USH2A: variants seen among roughly 807,000 people sequenced by gnomAD.
USH2A encodes the protein Usher syndrome 2A (autosomal recessive, mild).
In USH2A, 443 loss-of-function variants were observed where a neutral mutation model predicts 538.9. The ratio of observed to expected loss-of-function variants is 0.82; its 90% confidence interval spans 0.76 to 0.89. The LOEUF (loss-of-function observed/expected upper bound fraction) is 0.89, where lower values mean the gene tolerates loss of function less well. USH2A is among the 40% of genes least tolerant of loss of function. The pLI is 0.00. For missense variants in USH2A, 6,633 were observed against 6,324.8 expected (o/e 1.05, Z -1.65); for synonymous variants, 2,413 against 2,273.5 (o/e 1.06, Z -1.75).
In USH2A at chr1:216,050,569, T is replaced by TC. The variant is rs1558231684; in HGVS notation, c.6050-1923_6050-1922insG. Among the ~76,000 whole-genome samples, 29 of 38,784 alleles carry TC rather than the reference T, an allele frequency of 7.5e-4. 1 individual carries two copies. The highest frequency in any genetic ancestry group is 2.3e-3 in the African/African-American group (26 of 11,174). 25.4% of individuals were successfully genotyped at this position (38,784 alleles called of 152,430 possible). Reference sequence around the variant, plus strand: ...TAGACAATTTGTATCTTTTTCTTTCTTTCTTTCTTTCTTTCTTTCTTTCTT... The same window carrying TC: ...TAGACAATTTGTATCTTTTTCTTTCTCTTCTTTCTTTCTTTCTTTCTTTCTT... On this transcript the variant is annotated intron_variant, in intron 30 of 71. Transcript: ENST00000307340.
At position 215,623,586 on chromosome 1, in the gene USH2A, T is replaced by G. The variant is rs1370479583; in HGVS notation, c.*2195A>C. On this transcript the variant is annotated 3_prime_UTR_variant, in exon 72 of 72. Coordinates refer to ENST00000307340, the MANE Select transcript of USH2A (RefSeq NM_206933.4). ...TTCTCTGAAATAAATACAAGTAAAC[T>G]TAGACATGTAGCAGGGGACAGAGTT... 2 of 152,048 alleles carry G rather than the reference T, an allele frequency of 1.3e-5. No individual in the cohort carries two copies. The highest frequency in any genetic ancestry group is 2.9e-5 in the Non-Finnish European group (2 of 67,998). The allele number at this position is 152,048 out of a possible 1,614,324, so 9.4% of individuals were successfully genotyped here.
At chr1:215,869,385 A>G (rs1325526) in intron 43 of USH2A, among the ~76,000 whole-genome samples, 96,867 of 151,968 alleles carry the variant, frequency 0.64, 31,965 homozygotes, top group African/African-American at 0.8. Flanking sequence ...CATATCACTA[A>G]GGCTTGAACT....
chr1:216,355,727 T>C (rs2038382210), intron 4 of USH2A, among the ~76,000 whole-genome samples: 1 of 152,052 alleles, frequency 6.6e-6, no homozygotes, highest in Non-Finnish European at 1.5e-5. Flanking sequence ...TTTGTGGGGT[T>C]TACATAGACA....
chr1:216,190,033 G>A lies in USH2A; in HGVS notation c.4396+190C>T, dbSNP rs986745948. 7.2e-5 allele frequency among the ~76,000 whole-genome samples: 11 copies of A among 151,846 alleles called. 1 individual carries two copies. Among genetic ancestry groups the A allele is most frequent in the Non-Finnish European group, 1.0e-4 (7 of 67,928 alleles). ...TCTTATTATGACACAGCTGTAACTC[G>A]TAGCTCCTAGGTACCTCTTTAAGTT... On this transcript the variant is annotated intron_variant, in intron 20 of 71. Coordinates refer to ENST00000307340, the MANE Select transcript of USH2A (RefSeq NM_206933.4).
rs2037663532 is a variant in USH2A at position 216,323,630 on chromosome 1, G to A, written c.1394C>T (p.Pro465Leu). The change falls in exon 8 of 72, where the codon CCT becomes CTT. Residue 465 changes from proline (P) to leucine (L), a missense_variant. By Grantham distance (98) the Pro-to-Leu change is moderately conservative. Coordinates refer to ENST00000307340, the MANE Select transcript of USH2A (RefSeq NM_206933.4). ...GGTATTATAGAAGTTATTGTATCCA[G>A]GACGATAATTTGGTCCAGGTGTCAG... is the stretch of plus-strand genomic sequence containing the variant. Reference protein sequence around the residue: ...SILTPGPNYRPGYNNFYNTPS... With the variant: ...SILTPGPNYRLGYNNFYNTPS... The A allele has an allele frequency of 5.6e-6, 9 of 1,613,418 alleles. No homozygotes were observed. In the Middle Eastern group the frequency reaches 6.6e-4, roughly 118 times the overall value.
At chr1:216,263,640 G>A (rs550611167) in intron 11 of USH2A, among the ~76,000 whole-genome samples, 1 of 152,194 alleles carries the variant, frequency 6.6e-6, no homozygotes, top group South Asian at 2.1e-4. Context: ...GGCCATATAT[G>A]ACAAACCTAC....
chr1:215,836,343 T>C lies in USH2A; in HGVS notation c.9371+1648A>G, dbSNP rs531674153. Among the ~76,000 whole-genome samples, 201 of 146,782 alleles carry C rather than the reference T, an allele frequency of 1.4e-3. 1 individual carries two copies. The highest frequency in any genetic ancestry group is 4.7e-3 in the African/African-American group (190 of 40,080). On this transcript the variant is annotated intron_variant, in intron 47 of 71. Transcript: ENST00000307340. ...CCTCTTATTATAGTGTTTTTTACAT[T>C]GTTCTATAAACATTTATTTAGGGGA...
At chr1:215,626,435 A>G (rs909888702) in intron 71 of USH2A, among the ~76,000 whole-genome samples, 2 of 151,888 alleles carry the variant, frequency 1.3e-5, no homozygotes, top group African/African-American at 4.8e-5. Flanking sequence ...ACACACATAT[A>G]TATGGATTTA....
At chr1:216,380,927 T>C (rs977349309) in intron 3 of USH2A, among the ~76,000 whole-genome samples, 2 of 152,088 alleles carry the variant, frequency 1.3e-5, no homozygotes, top group Non-Finnish European at 1.5e-5. Flanking sequence ...GTAAGAGATA[T>C]TTTGCTCTTC....
At chr1:216,092,356 T>G (rs2032322410) in intron 22 of USH2A, among the ~76,000 whole-genome samples, 1 of 152,182 alleles carries the variant, frequency 6.6e-6, no homozygotes, top group Admixed American at 6.5e-5. Context: ...ATAAAAAGTA[T>G]TCACTAGATA....
intron 16 of USH2A, among the ~76,000 whole-genome samples, chr1:216,200,819 G>A (rs1009820185): frequency 1.1e-4 from 17 of 152,256 alleles, no homozygotes; most frequent in African/African-American, 3.4e-4. Flanking sequence ...GTAGGACTGC[G>A]AAACACACAA....
At chr1:216,370,777 C>T (rs1371770006) in intron 3 of USH2A, among the ~76,000 whole-genome samples, 1 of 148,330 alleles carries the variant, frequency 6.7e-6, no homozygotes. Context: ...TAATAAGTTG[C>T]AGTCAGTTAG....
intron 44 of USH2A, among the ~76,000 whole-genome samples, chr1:215,855,788 C>T (rs1193147806): frequency 6.6e-6 from 1 of 152,064 alleles, no homozygotes. Flanking sequence ...TCAAACTATA[C>T]TAAAAGGCCA....
chr1:216,392,058 G>T (rs780559654), intron 3 of USH2A, among the ~76,000 whole-genome samples: 1 of 152,116 alleles, frequency 6.6e-6, no homozygotes, highest in Non-Finnish European at 1.5e-5. Context: ...AGACCTAAAT[G>T]GGTAGATTGA....
At chr1:216,395,121 C>A (rs1232032625) in intron 3 of USH2A, among the ~76,000 whole-genome samples, 1 of 152,138 alleles carries the variant, frequency 6.6e-6, no homozygotes, top group Non-Finnish European at 1.5e-5. Flanking sequence ...CTTTTCAAGT[C>A]AACAATTTAC....
rs1661681070 is a variant in USH2A, at chr1:215,782,831, C to T, written c.10492G>A (p.Val3498Met). ...GTAGGGGGACTCACTCCTTGAGGCA[C>T]ATCTTCTTTTGTTCTGGCTCTCACA... The part of the protein sequence containing the change: ...KAVRARTKED[V>M]PQGVSPPTWT... Residue 3498 changes from valine to methionine, a missense_variant, in exon 53 of 72, where the codon GTG becomes ATG. Val to Met is a conservative substitution (Grantham distance 21). Coordinates refer to ENST00000307340, the MANE Select transcript of USH2A (RefSeq NM_206933.4). 1 of 1,613,880 alleles carries T rather than the reference C, an allele frequency of 6.2e-7. No individual in the cohort carries two copies. The highest frequency in any genetic ancestry group is 1.3e-5 in the African/African-American group (1 of 74,914).
intron 64 of USH2A, among the ~76,000 whole-genome samples, chr1:215,662,067 A>C (rs549368122): frequency 2.9e-4 from 44 of 152,320 alleles, no homozygotes; most frequent in African/African-American, 1.1e-3. Context: ...CTAGGTATAC[A>C]CTTTGAACAT....
intron 58 of USH2A, among the ~76,000 whole-genome samples, 195 bp from the exon 59 acceptor site, chr1:215,743,530 TA>T (rs1376455114): frequency 6.6e-6 from 1 of 150,708 alleles, no homozygotes; most frequent in East Asian, 1.9e-4. Context: ...AATGTCTATT[TA>T]AAATTTTGTA....
chr1:215,846,496 G>C (rs1223897743), intron 44 of USH2A, among the ~76,000 whole-genome samples: 2 of 152,158 alleles, frequency 1.3e-5, no homozygotes, highest in East Asian at 3.8e-4. Flanking sequence ...TTAGAGGTAT[G>C]AACAACTGCA....
Sources: allele counts gnomAD v4.1 joint callset (sites outside exome capture counted in the v4.1 genomes callset), GRCh38; gene constraint gnomAD v4.1.1; transcripts MANE v1.5; gene names NCBI Gene and HGNC (gene_info 2026-07-23, HGNC 2026-07-21).